CDK19: variants seen among roughly 807,000 people sequenced by gnomAD.
CDK19 encodes the protein cyclin-dependent kinase 19.
A neutral mutation model predicts 68.3 loss-of-function variants in CDK19; 20 were observed. The observed-to-expected ratio is 0.29, with a 90% CI of 0.21 to 0.43. The LOEUF is 0.43. Among genes scored for constraint, CDK19 ranks in the 20% least tolerant of loss-of-function variants. The pLI, the probability that CDK19 is intolerant of heterozygous loss-of-function variation, is 1.00. For missense variants in CDK19, 339 were observed against 623.5 expected (o/e 0.54, Z 4.86); for synonymous variants, 221 against 222.8 (o/e 0.99, Z 0.07).
intron 2 of CDK19, among the ~76,000 whole-genome samples, chr6:110,708,134 T>C (rs1043015118): frequency 6.6e-6 from 1 of 152,134 alleles, no homozygotes; most frequent in Non-Finnish European, 1.5e-5. Context: ...TTGGTACTGA[T>C]TCAGTTTCTA....
rs9398243 is a variant in CDK19, at chr6:110,675,522, G to A, written c.205-4981C>T. On this transcript the variant is annotated intron_variant, in intron 2 of 12. Transcript: ENST00000368911. Reference sequence around the variant, plus strand: ...CATGCCTGTAATCCCAGCTACTCAGGAGGCTGAGGCAGGAGAATCACTTGA... The same window carrying A: ...CATGCCTGTAATCCCAGCTACTCAGAAGGCTGAGGCAGGAGAATCACTTGA... 0.022 allele frequency among the ~76,000 whole-genome samples: 3,270 copies of A among 151,424 alleles called. 357 individuals are homozygous for A. The East Asian group carries it at 0.35, about 16-fold the overall frequency.
intron 1 of CDK19, among the ~76,000 whole-genome samples, chr6:110,759,448 T>TATAG: frequency 8.0e-6 from 1 of 124,680 alleles, no homozygotes; most frequent in South Asian, 2.5e-4. Context: ...TATATATATA[T>TATAG]ATAAATTAGC....
intron 1 of CDK19, among the ~76,000 whole-genome samples, chr6:110,811,840 T>G (rs1443757700): frequency 2.0e-5 from 3 of 151,534 alleles, no homozygotes; most frequent in Non-Finnish European, 4.4e-5. Flanking sequence ...AGACCCTGTC[T>G]GTAAAACGAA....
chr6:110,789,766 T>TA (rs1287611639), intron 1 of CDK19, among the ~76,000 whole-genome samples: 1 of 152,206 alleles, frequency 6.6e-6, no homozygotes, highest in Admixed American at 6.5e-5. Context: ...AATGATAAAA[T>TA]AGACTAGTAT....
At chr6:110,615,832 T>C (rs1174213592) in intron 12 of CDK19, among the ~76,000 whole-genome samples, 1 of 152,166 alleles carries the variant, frequency 6.6e-6, no homozygotes, top group Non-Finnish European at 1.5e-5. Context: ...TACTCCCCAA[T>C]TACTCCTGTA....
intron 12 of CDK19, among the ~76,000 whole-genome samples, chr6:110,615,471 T>C (rs1196891672): frequency 6.6e-6 from 1 of 152,270 alleles, no homozygotes; most frequent in African/African-American, 2.4e-5. Context: ...GGCTGGTTTT[T>C]CTTGTAAGCA....
intron 2 of CDK19, among the ~76,000 whole-genome samples, chr6:110,733,841 C>T (rs1032953411): frequency 7.9e-5 from 12 of 152,034 alleles, no homozygotes; most frequent in African/African-American, 2.9e-4. Context: ...AGTGTTTATA[C>T]CACTATTCTT....
chr6:110,715,611 C>CCGAGTACTTGAGATACAGG, intron 2 of CDK19, among the ~76,000 whole-genome samples: 1 of 152,248 alleles, frequency 6.6e-6, no homozygotes, highest in South Asian at 2.1e-4. Flanking sequence ...CCTCAGTCCC[C>CCGAGTACTTGAGATACAGG]CGAGTACTTG....
At chr6:110,668,324 A>T (rs188066533) in intron 3 of CDK19, among the ~76,000 whole-genome samples, 52 of 152,350 alleles carry the variant, frequency 3.4e-4, no homozygotes, top group African/African-American at 1.1e-3. Flanking sequence ...ATACTGATGA[A>T]ATTGTCAATA....
At chr6:110,761,556 A>G (rs1399750320) in intron 1 of CDK19, among the ~76,000 whole-genome samples, 1 of 152,112 alleles carries the variant, frequency 6.6e-6, no homozygotes, top group Non-Finnish European at 1.5e-5. Flanking sequence ...AGTTGAGAAG[A>G]CTGTGGTATT....
chr6:110,806,289 A>G (rs187126332), intron 1 of CDK19, among the ~76,000 whole-genome samples: 104 of 152,112 alleles, frequency 6.8e-4, no homozygotes, highest in African/African-American at 2.4e-3. Context: ...GCGGTGAGCC[A>G]AGATCGTGCC....
At chr6:110,814,949 G>T (rs1427867859) in intron 1 of CDK19, 60 bp downstream of exon 1, 1 of 1,590,476 alleles carries the variant, frequency 6.3e-7, no homozygotes. Flanking sequence ...CACCCATCCC[G>T]CCAGGTCGCG....
chr6:110,689,087 G>C (rs1216607991), intron 2 of CDK19, among the ~76,000 whole-genome samples: 2 of 152,102 alleles, frequency 1.3e-5, no homozygotes, highest in African/African-American at 4.8e-5. Context: ...TGTCAGATCT[G>C]CCTTGCCAAG....
At chr6:110,797,430 T>G (rs975750043) in intron 1 of CDK19, among the ~76,000 whole-genome samples, 11 of 152,270 alleles carry the variant, frequency 7.2e-5, no homozygotes, top group African/African-American at 2.2e-4. Context: ...GTGACTACTC[T>G]GATCTCATGT....
chr6:110,654,316 TTTC>T (rs1363400034), intron 4 of CDK19, among the ~76,000 whole-genome samples: 9 of 152,196 alleles, frequency 5.9e-5, no homozygotes, highest in African/African-American at 2.2e-4. Context: ...TCTATGCCTT[TTTC>T]TTCTTTTTTT....
intron 6 of CDK19, among the ~76,000 whole-genome samples, chr6:110,631,502 C>T (rs765099261): frequency 6.6e-5 from 10 of 152,176 alleles, no homozygotes; most frequent in Non-Finnish European, 1.0e-4. Flanking sequence ...GATGGCAAGA[C>T]GCTGAGCACA....
At chr6:110,716,900 G>A (rs763686305) in intron 2 of CDK19, among the ~76,000 whole-genome samples, 2 of 152,260 alleles carry the variant, frequency 1.3e-5, no homozygotes, top group East Asian at 1.9e-4. Flanking sequence ...TTGGGAGGCC[G>A]AGGTGGACGG....
At chr6:110,759,414 A>AT (rs1779049846) in intron 1 of CDK19, among the ~76,000 whole-genome samples, 2 of 112,002 alleles carry the variant, frequency 1.8e-5, no homozygotes, top group African/African-American at 8.2e-5. Flanking sequence ...TAAAAAAAAA[A>AT]AAAAAAAAAA....
chr6:110,652,684 C>T (rs1781048101), intron 4 of CDK19, among the ~76,000 whole-genome samples: 1 of 152,204 alleles, frequency 6.6e-6, no homozygotes, highest in Non-Finnish European at 1.5e-5. Flanking sequence ...ACTCAGCTAT[C>T]TCTTGATAGA....
Sources: gnomAD v4.1 joint callset for allele counts (sites outside exome capture counted in the v4.1 genomes callset) on GRCh38, gnomAD v4.1.1 for gene constraint, MANE v1.5 for transcripts, NCBI Gene and HGNC (gene_info 2026-07-23, HGNC 2026-07-21) for gene names.